The following GRAMD1C variants were observed in gnomAD, a reference collection of about 807,000 sequenced individuals.
The protein encoded by GRAMD1C is GRAM domain containing 1C, also known as protein Aster-C.
In GRAMD1C, 89 loss-of-function variants were observed where a neutral mutation model predicts 97.8. The ratio of observed to expected loss-of-function variants is 0.91; its 90% CI spans 0.77 to 1.09. The LOEUF (loss-of-function observed/expected upper bound fraction) is 1.09, where lower values mean the gene tolerates loss of function less well. GRAMD1C is among the 50% of genes least tolerant of loss of function. GRAMD1C has a pLI of 0.00. For synonymous variants in GRAMD1C, 256 were observed against 267.0 expected (o/e 0.96, Z 0.40); for missense variants, 740 against 766.4 (o/e 0.97, Z 0.41).
intron 10 of GRAMD1C, among the ~76,000 whole-genome samples, chr3:113,928,864 G>A (rs1039626020): frequency 3.9e-5 from 6 of 151,974 alleles, no homozygotes; most frequent in African/African-American, 1.2e-4. Context: ...TTGTTTATCC[G>A]TTCATCCATT....
intron 9 of GRAMD1C, among the ~76,000 whole-genome samples, chr3:113,911,562 C>T (rs1936577483): frequency 6.6e-6 from 1 of 151,950 alleles, no homozygotes. Flanking sequence ...CTGGGACCCA[C>T]CTTATTTAAC....
At chr3:113,902,702 A>C (rs1936220919) in intron 7 of GRAMD1C, among the ~76,000 whole-genome samples, 1 of 152,038 alleles carries the variant, frequency 6.6e-6, no homozygotes, top group Non-Finnish European at 1.5e-5. Context: ...GCTGGAGCAC[A>C]GTGGTGCGAT....
intron 9 of GRAMD1C, 72 bp from the exon 10 acceptor site, chr3:113,915,629 G>T (rs563488716): frequency 4.8e-6 from 6 of 1,237,478 alleles, no homozygotes; most frequent in Admixed American, 4.6e-5. Flanking sequence ...AAAACCCCAC[G>T]AAACCCCCTA....
At chr3:113,847,010 T>C (rs1577119279) in intron 2 of GRAMD1C, among the ~76,000 whole-genome samples, 3 of 152,298 alleles carry the variant, frequency 2.0e-5, no homozygotes, top group East Asian at 3.9e-4. Context: ...CATGCTGATA[T>C]AGCTGGTAAT....
chr3:113,875,516 C>A lies in GRAMD1C; in HGVS notation c.292C>A (p.Leu98Ile). ...YACALQRDIL[L>I]QGRLYLSENW... is the part of the protein sequence containing the mutation. ...TTGTGCTCTTCAGAGGGACATTTTG[C>A]TTCAGGGACGACTATACCTTTCAGA... Residue 98 changes from leucine (L) to isoleucine (I), a missense_variant, in exon 4 of 18, where the codon CTT (leucine) becomes ATT (isoleucine). By Grantham distance (5) the Leu-to-Ile change is conservative (BLOSUM62 2). Coordinates refer to ENST00000358160, the MANE Select transcript of GRAMD1C (RefSeq NM_017577.5). The A allele has an allele frequency of 6.5e-7, 1 of 1,540,792 alleles. No individual in the cohort carries two copies. The highest frequency in any genetic ancestry group is 9.0e-7 in the Non-Finnish European group (1 of 1,112,284).
intron 6 of GRAMD1C, among the ~76,000 whole-genome samples, chr3:113,884,632 A>C (rs886534594): frequency 1.3e-5 from 2 of 152,112 alleles, no homozygotes; most frequent in South Asian, 2.1e-4. Flanking sequence ...GGAGATCGAG[A>C]CCATCCTGGC....
chr3:113,935,212 A>G (rs187410779), intron 13 of GRAMD1C, among the ~76,000 whole-genome samples: 3 of 152,314 alleles, frequency 2.0e-5, no homozygotes, highest in African/African-American at 4.8e-5. Context: ...TTTTATCAAG[A>G]TCACACAGTT....
chr3:113,866,288 G>T lies in GRAMD1C; in HGVS notation c.175-3219G>T, dbSNP rs529718785. On this transcript the variant is annotated intron_variant, in intron 2 of 17. Coordinates refer to ENST00000358160, the MANE Select transcript of GRAMD1C (RefSeq NM_017577.5). ...TTTATGATTATCTTCCTCATTTATT[G>T]ACCCTTTTATTATTATGAAATCTCT... Among the ~76,000 whole-genome samples, 6 of 152,206 alleles carry T rather than the reference G, an allele frequency of 3.9e-5. 1 individual carries two copies. In the South Asian group the frequency reaches 1.2e-3, roughly 32 times the overall value.
intron 10 of GRAMD1C, among the ~76,000 whole-genome samples, chr3:113,918,941 C>T (rs1936934548): frequency 6.6e-6 from 1 of 152,154 alleles, no homozygotes; most frequent in Admixed American, 6.5e-5. Context: ...AATGATCCTC[C>T]CACGTCAGCC....
intron 14 of GRAMD1C, among the ~76,000 whole-genome samples, chr3:113,937,079 G>A (rs551692651): frequency 2.0e-5 from 3 of 152,144 alleles, no homozygotes; most frequent in Non-Finnish European, 4.4e-5. Flanking sequence ...CAATTTCTAC[G>A]TTTGAGTGTA....
intron 6 of GRAMD1C, among the ~76,000 whole-genome samples, chr3:113,883,378 AGCTGGGTGTGGTGAC>A (rs1427282212): frequency 6.6e-6 from 1 of 152,060 alleles, no homozygotes; most frequent in African/African-American, 2.4e-5. Flanking sequence ...TACAAAAATT[AGCTGGGTGTGGTGAC>A]GCTTACCTGT....
At chr3:113,870,491 A>G (rs1934759483) in intron 3 of GRAMD1C, among the ~76,000 whole-genome samples, 1 of 152,206 alleles carries the variant, frequency 6.6e-6, no homozygotes, top group African/African-American at 2.4e-5. Flanking sequence ...ACAGTTAGAT[A>G]GAAGGAATAA....
chr3:113,889,686 G>A (rs1935642072), intron 6 of GRAMD1C, among the ~76,000 whole-genome samples: 1 of 151,788 alleles, frequency 6.6e-6, no homozygotes, highest in Admixed American at 6.6e-5. Flanking sequence ...TGTTGCCCAG[G>A]CTAGAGTGCA....
chr3:113,894,503 G>A (rs1265215733), intron 6 of GRAMD1C, among the ~76,000 whole-genome samples: 1 of 151,924 alleles, frequency 6.6e-6, no homozygotes. Flanking sequence ...GGTCTCGAAC[G>A]CCTGACCTCA....
intron 3 of GRAMD1C, among the ~76,000 whole-genome samples, chr3:113,872,505 G>C (rs1029636370): frequency 6.8e-6 from 1 of 146,336 alleles, no homozygotes; most frequent in African/African-American, 2.6e-5. Context: ...AGTGATTCTC[G>C]TGTCTCAGCC....
At chr3:113,869,626 C>A (rs2107369632) in intron 3 of GRAMD1C, 35 bp downstream of exon 3, 1 of 907,946 alleles carries the variant, frequency 1.1e-6, no homozygotes, top group Non-Finnish European at 1.8e-6. Flanking sequence ...AGTTTTATTA[C>A]CTCATTATAA....
chr3:113,927,084 T>C (rs2107359030), intron 10 of GRAMD1C, among the ~76,000 whole-genome samples: 1 of 152,012 alleles, frequency 6.6e-6, no homozygotes, highest in African/African-American at 2.4e-5. Context: ...TTCACAGGTG[T>C]CACCTTTGTT....
chr3:113,834,939 CAAA>C (rs58338279), upstream of GRAMD1C, among the ~76,000 whole-genome samples: 37 of 126,000 alleles, frequency 2.9e-4, no homozygotes, highest in Non-Finnish European at 3.6e-4. Context: ...AACTCCGTCT[CAAA>C]AAAAAAAAAA....
At chr3:113,927,297 T>C (rs1452809558) in intron 10 of GRAMD1C, among the ~76,000 whole-genome samples, 1 of 152,160 alleles carries the variant, frequency 6.6e-6, no homozygotes, top group African/African-American at 2.4e-5. Context: ...TCTTGGGCCT[T>C]GGAGGAGCCC....
Sources: allele counts gnomAD v4.1 joint callset (sites outside exome capture counted in the v4.1 genomes callset), GRCh38; gene constraint gnomAD v4.1.1; transcripts MANE v1.5; gene names NCBI Gene and HGNC (gene_info 2026-07-23, HGNC 2026-07-21).